TLE3: variants seen among roughly 807,000 people sequenced by gnomAD.
TLE3 encodes TLE family member 3, transcriptional corepressor, also known as transducin-like enhancer protein 3.
TLE3 carries 14 observed loss-of-function variants against 93.0 expected under a neutral mutation model. The observed-to-expected ratio is 0.15, with a 90% CI of 0.10 to 0.24. The LOEUF is 0.24. Among genes scored for constraint, TLE3 ranks in the 10% least tolerant of loss-of-function variants. TLE3 has a pLI of 1.00. For missense variants in TLE3, 693 were observed against 1,046.6 expected (o/e 0.66, Z 4.66); for synonymous variants, 451 against 425.0 (o/e 1.06, Z -0.75).
At position 70,049,017 on chromosome 15, in the gene TLE3, A is replaced by G. The variant is rs1209502142; in HGVS notation, c.*1080T>C. ...TTATTCAAATTAAAAAAAAAAAAAA[A>G]GCACCCACATCAGTTGCTATTTTTC... On this transcript the variant is annotated 3_prime_UTR_variant, in exon 20 of 20. Coordinates refer to ENST00000451782, the MANE Select transcript of TLE3 (RefSeq NM_001105192.3). The G allele has an allele frequency of 6.6e-6, 1 of 151,040 alleles. No individual in the cohort carries two copies. The highest frequency in any genetic ancestry group is 2.4e-5 in the African/African-American group (1 of 41,216). 9.4% of individuals were successfully genotyped at this position (151,040 alleles called of 1,614,324 possible).
At chr15:70,062,198 C>T (rs551145913) in intron 8 of TLE3, among the ~76,000 whole-genome samples, 2 of 152,368 alleles carry the variant, frequency 1.3e-5, no homozygotes, top group East Asian at 3.9e-4. Context: ...GCAGCTCAAC[C>T]TTCCCCACAG....
chr15:70,054,574 G>C lies in TLE3; in HGVS notation c.1690C>G (p.Arg564Gly). Residue 564 changes from arginine to glycine, a missense_variant, in exon 16 of 20, where the codon CGC becomes GGC. This residue lies in a region of TLE3 where 153 missense variants were observed against 379.9 expected (regional missense o/e 0.40). Transcript: ENST00000451782. ...GAGGACGTCAGCTCGGCCTTGATGC[G>C]GGGCGTGGGCGAGGCCAGGTCCCAG... ...TIWDLASPTP[R>G]IKAELTSSAP... The C allele has an allele frequency of 6.2e-7, 1 of 1,613,842 alleles. No individual in the cohort carries two copies. The highest frequency in any genetic ancestry group is 8.5e-7 in the Non-Finnish European group (1 of 1,179,826).
rs2142131929 is a variant in TLE3, at chr15:70,096,897, C to A, written c.-99G>T. 2 of 1,396,102 alleles carry A rather than the reference C, an allele frequency of 1.4e-6. No individual in the cohort carries two copies. The highest frequency in any genetic ancestry group is 2.5e-5 in the East Asian group (1 of 40,634). 86.5% of individuals were successfully genotyped at this position (1,396,102 alleles called of 1,614,324 possible). On this transcript the variant is annotated 5_prime_UTR_variant, in exon 1 of 20. Coordinates refer to ENST00000451782, the MANE Select transcript of TLE3 (RefSeq NM_001105192.3). ...GAGCCGAGCCCGAGCGGGGGGCGGC[C>A]GGGAAACCGAGAGCTCGCCCCCGGC... is the stretch of plus-strand genomic sequence containing the variant.
At chr15:70,062,233 C>T (rs1038540584) in intron 8 of TLE3, among the ~76,000 whole-genome samples, 6 of 152,318 alleles carry the variant, frequency 3.9e-5, no homozygotes, top group South Asian at 2.1e-4. Context: ...TGGCGATGCG[C>T]GCACAGCCAC....
At position 70,055,369 on chromosome 15, in the gene TLE3, G is replaced by A. The variant is rs550097213; in HGVS notation, c.1329-71C>T. On this transcript the variant is annotated intron_variant, in intron 14 of 19. Transcript: ENST00000451782. Reference sequence around the variant, plus strand: ...TCAGAGTTCCCATAGGCCTGGCCCAGGTCATCTGCACTGCCCCCGACTGGC... The same window carrying A: ...TCAGAGTTCCCATAGGCCTGGCCCAAGTCATCTGCACTGCCCCCGACTGGC... The A allele has an allele frequency of 1.1e-5, 16 of 1,518,596 alleles. 2 individuals carry two copies. The East Asian group carries it at 2.0e-4, about 19-fold the overall frequency. 94.1% of individuals were successfully genotyped at this position (1,518,596 alleles called of 1,614,324 possible).
intron 4 of TLE3, among the ~76,000 whole-genome samples, chr15:70,082,697 G>A (rs895136054): frequency 7.2e-5 from 11 of 152,252 alleles, no homozygotes; most frequent in Non-Finnish European, 1.6e-4. Context: ...GTGACCCTGA[G>A]GATCTGTCTC....
At chr15:70,062,934 A>G (rs1410373285) in intron 8 of TLE3, among the ~76,000 whole-genome samples, 2 of 152,032 alleles carry the variant, frequency 1.3e-5, no homozygotes, top group Admixed American at 6.5e-5. Context: ...GGGGGTTCCC[A>G]GGGGGGGTCT....
intron 7 of TLE3, among the ~76,000 whole-genome samples, 178 bp downstream of exon 7, chr15:70,065,836 G>C (rs2056780211): frequency 6.6e-6 from 1 of 152,210 alleles, no homozygotes; most frequent in South Asian, 2.1e-4. Context: ...GTAGGAAAAG[G>C]TGCATGGGAT....
chr15:70,096,382 CCAGCAAGTTTCT>C, intron 1 of TLE3, 121 bp from the exon 2 acceptor site: 36 of 1,474,546 alleles, frequency 2.4e-5, no homozygotes, highest in Non-Finnish European at 3.1e-5. Flanking sequence ...CAGAACCTTC[CCAGCAAGTTTCT>C]CAGCTCTCCG....
At chr15:70,056,796 C>T (rs1410536772) in intron 13 of TLE3, among the ~76,000 whole-genome samples, 5 of 152,228 alleles carry the variant, frequency 3.3e-5, no homozygotes, top group Non-Finnish European at 5.9e-5. Flanking sequence ...GAGTCTCGCT[C>T]TGCCGCCCAA....
intron 4 of TLE3, 27 bp downstream of exon 4, chr15:70,094,505 A>G (rs1461423232): frequency 6.6e-7 from 1 of 1,508,696 alleles, no homozygotes; most frequent in South Asian, 1.3e-5. Context: ...AAAATGAAAT[A>G]TATTTTTAAA....
At chr15:70,054,247 A>G (rs369943960) in intron 16 of TLE3, 191 bp downstream of exon 16, 79 of 736,854 alleles carry the variant, frequency 1.1e-4, no homozygotes, top group African/African-American at 9.6e-4. Context: ...CCTGGGCCCA[A>G]TGGCCCTCCC....
At chr15:70,055,978 G>T (rs751958436) in intron 14 of TLE3, 160 of 453,510 alleles carry the variant, frequency 3.5e-4, no homozygotes, top group Non-Finnish European at 5.7e-4. Flanking sequence ...ACCCAAAGGA[G>T]TCGGCAAGGC....
rs564226617 is a variant in TLE3 at position 70,059,464 on chromosome 15, C to A, written c.715-4G>T. ...CACTCTTGTCTCCATCACTGTCCTG[C>A]AACCAAGAGAGAAGCCAACTGGTCA... On this transcript the variant is annotated splice_polypyrimidine_tract_variant and splice_region_variant and intron_variant, in intron 9 of 19. Transcript: ENST00000451782. 6.2e-6 allele frequency: 10 copies of A among 1,607,732 alleles called. No individual in the cohort carries two copies. In the South Asian group the frequency reaches 7.8e-5, roughly 13 times the overall value.
chr15:70,059,668 C>A (rs1402856235), intron 9 of TLE3, among the ~76,000 whole-genome samples: 1 of 152,192 alleles, frequency 6.6e-6, no homozygotes, highest in African/African-American at 2.4e-5. Flanking sequence ...CTAGCCCAGG[C>A]CCCGGGTTAC....
At chr15:70,067,297 C>A (rs1436525883) in intron 6 of TLE3, among the ~76,000 whole-genome samples, 2 of 152,248 alleles carry the variant, frequency 1.3e-5, no homozygotes, top group Non-Finnish European at 2.9e-5. Context: ...CACCTATGCA[C>A]ACATCTTTCT....
At chr15:70,057,100 A>G (rs1400095264) in intron 13 of TLE3, among the ~76,000 whole-genome samples, 1 of 152,208 alleles carries the variant, frequency 6.6e-6, no homozygotes, top group Admixed American at 6.5e-5. Flanking sequence ...TTGTACAACC[A>G]GTCCCATCTA....
chr15:70,065,969 GCCCACCCCT>G, intron 7 of TLE3, 36 bp downstream of exon 7: 128 of 1,294,156 alleles, frequency 9.9e-5, no homozygotes, highest in Middle Eastern at 2.4e-4. Flanking sequence ...GAGCGCCCAT[GCCCACCCCT>G]GCCCCGCCCC....
intron 8 of TLE3, 38 bp from the exon 9 acceptor site, chr15:70,060,687 G>A (rs770364913): frequency 9.3e-6 from 15 of 1,608,650 alleles, no homozygotes; most frequent in Non-Finnish European, 8.5e-7. Flanking sequence ...AAAACTTTCT[G>A]CTGCGTGTAA....
Sources: allele counts gnomAD v4.1 joint callset (sites outside exome capture counted in the v4.1 genomes callset), GRCh38; gene constraint gnomAD v4.1.1; regional missense constraint gnomAD v4.1.1; transcripts MANE v1.5; gene names NCBI Gene and HGNC (gene_info 2026-07-23, HGNC 2026-07-21).